Variants in TMEM63C observed in about 807,000 individuals in gnomAD.
The protein encoded by TMEM63C is transmembrane protein 63C, also known as osmosensitive cation channel TMEM63C.
TMEM63C carries 32 observed loss-of-function variants against 99.2 expected under a neutral mutation model. That is an observed-to-expected ratio of 0.32 (90% CI 0.24 to 0.43). TMEM63C has a LOEUF of 0.43. TMEM63C is among the 20% of genes least tolerant of loss of function. TMEM63C has a pLI of 1.00. For synonymous variants in TMEM63C, 376 were observed against 397.9 expected (o/e 0.94, Z 0.66); for missense variants, 826 against 1,053.0 (o/e 0.78, Z 2.98).
intron 1 of TMEM63C, among the ~76,000 whole-genome samples, chr14:77,209,847 T>C (rs1489714025): frequency 6.6e-6 from 1 of 151,936 alleles, no homozygotes. Context: ...CAGTGGCCTC[T>C]AGGGTAATGG....
intron 15 of TMEM63C, among the ~76,000 whole-genome samples, 198 bp from the exon 16 acceptor site, chr14:77,244,151 G>T (rs1889230270): frequency 6.6e-6 from 1 of 152,146 alleles, no homozygotes; most frequent in Admixed American, 6.5e-5. Context: ...CAGCATAGAA[G>T]GCCTAGCTGC....
In TMEM63C at chr14:77,219,571, A is replaced by G. The variant is rs1296173573; in HGVS notation, c.224A>G (p.Asn75Ser). 1 of 1,613,772 alleles carries G rather than the reference A, an allele frequency of 6.2e-7. No homozygotes were observed. Among genetic ancestry groups the G allele is most frequent in the Non-Finnish European group, 8.5e-7 (1 of 1,179,850 alleles). The change falls in exon 4 of 24, where the codon AAT becomes AGT. Residue 75 changes from asparagine (N) to serine (S), a missense_variant. By Grantham distance (46) the Asn-to-Ser change is conservative. Transcript: ENST00000298351. ...GGGCGCCTGGCTCTGCTGATACACA[A>G]TGACAGGTGAGGAGGGGTCGAGATG... ...DYGRLALLIH[N>S]DSLTSLIYGE...
At chr14:77,219,052 C>T in intron 3 of TMEM63C, 89 bp downstream of exon 3, 1 of 1,336,282 alleles carries the variant, frequency 7.5e-7, no homozygotes, top group Non-Finnish European at 9.9e-7. Context: ...CCCAGTTGTC[C>T]AAATGGACAA....
At chr14:77,205,012 T>A (rs1431736179) in intron 1 of TMEM63C, among the ~76,000 whole-genome samples, 1 of 152,092 alleles carries the variant, frequency 6.6e-6, no homozygotes, top group Non-Finnish European at 1.5e-5. Context: ...CCTGAGCTCT[T>A]CCCTAAGGAA....
intron 2 of TMEM63C, among the ~76,000 whole-genome samples, chr14:77,214,659 T>G (rs1404523216): frequency 6.7e-6 from 1 of 150,082 alleles, no homozygotes. Context: ...CACTCTCCCC[T>G]TCCCCCCTCA....
chr14:77,239,741 C>A lies in TMEM63C; in HGVS notation c.930+15C>A. On this transcript the variant is annotated intron_variant, in intron 12 of 23. Transcript: ENST00000298351. Reference sequence around the variant, plus strand: ...GCTTCAAGGAGGTAACTGGCTTGAGCGTTGGGAGCACAGCAAGGGAGCGGT... The same window carrying A: ...GCTTCAAGGAGGTAACTGGCTTGAGAGTTGGGAGCACAGCAAGGGAGCGGT... 1 of 1,611,808 alleles carries A rather than the reference C, an allele frequency of 6.2e-7. No individual in the cohort carries two copies. Among genetic ancestry groups the A allele is most frequent in the Non-Finnish European group, 8.5e-7 (1 of 1,179,202 alleles).
chr14:77,199,849 G>A lies in TMEM63C; in HGVS notation c.-76-13597G>A, dbSNP rs531441871. 1.4e-4 allele frequency among the ~76,000 whole-genome samples: 21 copies of A among 152,278 alleles called. No homozygotes were observed. In the East Asian group the frequency reaches 2.3e-3, roughly 17 times the overall value. The stretch of plus-strand genomic sequence containing the variant: ...GCTCCCAGCGACACTGTGATGAGCC[G>A]GGCCCACTCAGACAACGAAGGCAGA... On this transcript the variant is annotated intron_variant, in intron 1 of 23. Coordinates refer to ENST00000298351, the MANE Select transcript of TMEM63C (RefSeq NM_020431.4).
At position 77,210,894 on chromosome 14, in the gene TMEM63C, TG is replaced by T. The variant is rs536221056; in HGVS notation, c.-76-2547del. Reference sequence around the variant, plus strand: ...GGGGGTCATGGGGTTGGAGAGAAGGTGGGGGTGGCTCCCCAGCCATAGCACC... The same window carrying T: ...GGGGGTCATGGGGTTGGAGAGAAGGTGGGGTGGCTCCCCAGCCATAGCACC... On this transcript the variant is annotated intron_variant, in intron 1 of 23. Transcript: ENST00000298351. 5.3e-5 allele frequency among the ~76,000 whole-genome samples: 8 copies of T among 151,808 alleles called. No individual in the cohort carries two copies. The South Asian group carries it at 1.7e-3, about 32-fold the overall frequency.
chr14:77,214,601 A>G (rs1282924233), intron 2 of TMEM63C, among the ~76,000 whole-genome samples: 1 of 151,768 alleles, frequency 6.6e-6, no homozygotes, highest in East Asian at 1.9e-4. Flanking sequence ...GTGTCAACCT[A>G]GACATCTTGC....
intron 9 of TMEM63C, among the ~76,000 whole-genome samples, chr14:77,238,120 G>A (rs184027423): frequency 7.2e-5 from 11 of 152,262 alleles, no homozygotes; most frequent in Admixed American, 5.2e-4. Flanking sequence ...CATCTTAAAG[G>A]TGACGACCCA....
intron 5 of TMEM63C, among the ~76,000 whole-genome samples, chr14:77,223,929 CTT>C (rs1888771426): frequency 6.6e-6 from 1 of 152,144 alleles, no homozygotes; most frequent in African/African-American, 2.4e-5. Flanking sequence ...GAGACAGACT[CTT>C]CATGCAGGAG....
intron 6 of TMEM63C, among the ~76,000 whole-genome samples, chr14:77,230,070 C>T (rs768453679): frequency 5.3e-5 from 8 of 151,938 alleles, no homozygotes; most frequent in Admixed American, 1.3e-4. Flanking sequence ...GGCGTGGTGG[C>T]GCACACCTAT....
At position 77,245,916 on chromosome 14, in the gene TMEM63C, G is replaced by A. The variant is rs368421214; in HGVS notation, c.1449-24G>A. 24 of 1,583,090 alleles carry A rather than the reference G, an allele frequency of 1.5e-5. No individual in the cohort carries two copies. The African/African-American group carries it at 3.1e-4, about 20-fold the overall frequency. ...TTCTTATTAGGCCACGTCCATTGAT[G>A]AATATCTCTCTGTTTCCTTCTAGAT... On this transcript the variant is annotated intron_variant, in intron 16 of 23. Coordinates refer to ENST00000298351, the MANE Select transcript of TMEM63C (RefSeq NM_020431.4).
intron 8 of TMEM63C, among the ~76,000 whole-genome samples, chr14:77,235,175 A>G (rs903176333): frequency 6.6e-6 from 1 of 151,818 alleles, no homozygotes; most frequent in Admixed American, 6.6e-5. Context: ...GAGCTGGAGC[A>G]AGACCCTTTC....
intron 9 of TMEM63C, among the ~76,000 whole-genome samples, chr14:77,237,492 T>C (rs1889082913): frequency 6.6e-6 from 1 of 152,286 alleles, no homozygotes; most frequent in South Asian, 2.1e-4. Context: ...GAGGGGCAAC[T>C]TACCCCTGTG....
rs1889443972 is a variant in TMEM63C at position 77,255,378 on chromosome 14, T to G, written c.2221-1148T>G. On this transcript the variant is annotated intron_variant, in intron 23 of 23. Coordinates refer to ENST00000298351, the MANE Select transcript of TMEM63C (RefSeq NM_020431.4). ...CACCCAGCCGGTATTCAAATTGCCTTAATTGTTCCAGAAGTATCTTTTAGA... is the reference window on the plus strand; with the variant it reads ...CACCCAGCCGGTATTCAAATTGCCTGAATTGTTCCAGAAGTATCTTTTAGA... Among the ~76,000 whole-genome samples the G allele has an allele frequency of 3.9e-5, 6 of 152,364 alleles. No individual in the cohort carries two copies. In the South Asian group the frequency reaches 1.2e-3, roughly 32 times the overall value.
chr14:77,230,414 C>A (rs993130004), intron 6 of TMEM63C, among the ~76,000 whole-genome samples: 6 of 152,100 alleles, frequency 3.9e-5, no homozygotes, highest in African/African-American at 1.4e-4. Context: ...TGCCTGGTAA[C>A]TTTTACTCAG....
At chr14:77,251,966 TCC>T in intron 22 of TMEM63C, 68 bp downstream of exon 22, 1 of 1,289,752 alleles carries the variant, frequency 7.8e-7, no homozygotes. Flanking sequence ...TAGGATACTC[TCC>T]AGGTCTGGGC....
chr14:77,248,726 G>A (rs1889307529), intron 19 of TMEM63C, 41 bp from the exon 20 acceptor site: 1 of 1,589,728 alleles, frequency 6.3e-7, no homozygotes, highest in Non-Finnish European at 8.6e-7. Context: ...CAAGCCAAGG[G>A]GACTGGGCCA....
Sources: gnomAD v4.1 joint callset for allele counts (sites outside exome capture counted in the v4.1 genomes callset) on GRCh38, gnomAD v4.1.1 for gene constraint, MANE v1.5 for transcripts, NCBI Gene and HGNC (gene_info 2026-07-23, HGNC 2026-07-21) for gene names.